The following USP37 variants were observed in gnomAD, a reference collection of about 807,000 sequenced individuals.
USP37 encodes ubiquitin specific peptidase 37.
A neutral mutation model predicts 124.0 loss-of-function variants in USP37; 27 were observed. The observed-to-expected ratio is 0.22, with a 90% CI of 0.16 to 0.30. USP37 has a LOEUF of 0.30. USP37 is among the 10% of genes least tolerant of loss of function. The pLI is 1.00. For missense variants in USP37, 889 were observed against 1,140.4 expected (o/e 0.78, Z 3.17); for synonymous variants, 365 against 388.0 (o/e 0.94, Z 0.70).
chr2:218,487,904 C>G (rs1167228758), intron 15 of USP37, among the ~76,000 whole-genome samples: 1 of 151,596 alleles, frequency 6.6e-6, no homozygotes, highest in Admixed American at 6.6e-5. Flanking sequence ...TCTGCCAAAA[C>G]CAGGTGTGGT....
intron 19 of USP37, among the ~76,000 whole-genome samples, chr2:218,476,467 T>G (rs1054415505): frequency 6.6e-6 from 1 of 151,884 alleles, no homozygotes; most frequent in Non-Finnish European, 1.5e-5. Flanking sequence ...CCCAGCTACT[T>G]GGGGAGCTGA....
intron 11 of USP37, among the ~76,000 whole-genome samples, chr2:218,506,548 G>A (rs1315005680): frequency 6.6e-6 from 1 of 150,600 alleles, no homozygotes; most frequent in African/African-American, 2.4e-5. Context: ...ACCTCCCAAA[G>A]TGCTGGGATT....
intron 22 of USP37, 119 bp downstream of exon 22, chr2:218,463,171 AATAAACACACACACAC>A: frequency 1.2e-6 from 1 of 805,584 alleles, no homozygotes; most frequent in Non-Finnish European, 1.9e-6. Flanking sequence ...TCTCCCCCAC[AATAAACACACACACAC>A]ACACACACAC....
intron 13 of USP37, 66 bp downstream of exon 13, chr2:218,497,668 G>T: frequency 6.3e-7 from 1 of 1,592,714 alleles, no homozygotes; most frequent in Non-Finnish European, 8.6e-7. Context: ...CTCCCAAAGT[G>T]CTGGAATTAC....
chr2:218,552,430 T>C (rs1321417562), intron 5 of USP37, among the ~76,000 whole-genome samples: 1 of 151,968 alleles, frequency 6.6e-6, no homozygotes, highest in Non-Finnish European at 1.5e-5. Flanking sequence ...AAAAGATGGC[T>C]GTAGGGCCAG....
chr2:218,534,539 G>A (rs886509480), intron 9 of USP37, 70 bp downstream of exon 9: 25 of 866,472 alleles, frequency 2.9e-5, no homozygotes, highest in Non-Finnish European at 3.4e-5. Flanking sequence ...AGATGGGTTA[G>A]GTTTTTATTT....
intron 14 of USP37, among the ~76,000 whole-genome samples, chr2:218,488,855 G>T (rs931892958): frequency 6.6e-6 from 1 of 151,598 alleles, no homozygotes; most frequent in African/African-American, 2.4e-5. Context: ...GGCTGGTCTC[G>T]AACTCCCGAT....
At chr2:218,493,427 T>C (rs968540776) in intron 14 of USP37, among the ~76,000 whole-genome samples, 1 of 152,182 alleles carries the variant, frequency 6.6e-6, no homozygotes, top group Non-Finnish European at 1.5e-5. Flanking sequence ...TTAAAGTGCC[T>C]AACACCACTG....
At position 218,493,520 on chromosome 2, in the gene USP37, GAGTGCAATGGCAT is replaced by G. The variant is rs528346570; in HGVS notation, c.1472+2227_1472+2239del. On this transcript the variant is annotated intron_variant, in intron 14 of 25. Transcript: ENST00000258399. ...GAGTCTTGCTCTGTCACCCAGGCTA[GAGTGCAATGGCAT>G]AATCTCAGCTTACTACAACCACCTC... 2.1e-3 allele frequency among the ~76,000 whole-genome samples: 314 copies of G among 152,232 alleles called. 1 individual carries two copies. The highest frequency in any genetic ancestry group is 7.3e-3 in the African/African-American group (305 of 41,542).
intron 17 of USP37, among the ~76,000 whole-genome samples, chr2:218,481,683 C>CTTTTTTTTTT (rs71403043): frequency 9.7e-5 from 13 of 134,446 alleles, no homozygotes; most frequent in South Asian, 2.4e-4. Context: ...CTTTTCTTTT[C>CTTTTTTTTTT]TTTTTTTTTT....
At chr2:218,498,262 T>C (rs34313730) in intron 11 of USP37, 105 bp from the exon 12 acceptor site, 48,277 of 1,220,044 alleles carry the variant, frequency 0.04, 1,302 homozygotes, top group African/African-American at 0.11. Flanking sequence ...CCTGGAGGGC[T>C]TGTTAAACTA....
At chr2:218,513,099 CATAT>C (rs140874315) in intron 10 of USP37, among the ~76,000 whole-genome samples, 1 of 149,230 alleles carries the variant, frequency 6.7e-6, no homozygotes, top group South Asian at 2.1e-4. Context: ...ATAATATAGG[CATAT>C]ATATATATAT....
chr2:218,479,872 T>A (rs1362084056), intron 17 of USP37, among the ~76,000 whole-genome samples, 157 bp from the exon 18 acceptor site: 1 of 152,068 alleles, frequency 6.6e-6, no homozygotes, highest in Non-Finnish European at 1.5e-5. Context: ...ATAGGCCAGG[T>A]GCAGTGGTTC....
intron 22 of USP37, among the ~76,000 whole-genome samples, chr2:218,461,123 C>G (rs1222396037): frequency 6.6e-6 from 1 of 152,076 alleles, no homozygotes; most frequent in African/African-American, 2.4e-5. Flanking sequence ...TAAAGAATCC[C>G]AGGAGCATTT....
Position 218,463,419 on chromosome 2 carries a change from TA to T in USP37, c.2467-54del. ...TATTTAAAGAGGTACTGATTAAACTTACTTAATGAGGATAAAATCAGTTTCT... is the reference window on the plus strand; with the variant it reads ...TATTTAAAGAGGTACTGATTAAACTTCTTAATGAGGATAAAATCAGTTTCT... On this transcript the variant is annotated intron_variant, in intron 21 of 25. Transcript: ENST00000258399. 12 of 1,509,818 alleles carry T rather than the reference TA, an allele frequency of 7.9e-6. No homozygotes were observed. In the South Asian group the frequency reaches 1.4e-4, roughly 17 times the overall value. The allele number at this position is 1,509,818 out of a possible 1,614,324, so 93.5% of individuals were successfully genotyped here. A position where few individuals can be genotyped will look rare whatever the true frequency, so the allele number is the denominator to read the frequency against.
chr2:218,457,913 G>A (rs1169896803), intron 23 of USP37, among the ~76,000 whole-genome samples: 4 of 151,670 alleles, frequency 2.6e-5, no homozygotes, highest in African/African-American at 4.8e-5. Context: ...GCTGGCGGGC[G>A]CCTGTAGTCC....
At chr2:218,544,406 A>AAAAATATATATAT (rs1312705279) in intron 8 of USP37, among the ~76,000 whole-genome samples, 1 of 82,976 alleles carries the variant, frequency 1.2e-5, no homozygotes, top group African/African-American at 6.9e-5. Context: ...AAAAAAAAAA[A>AAAAATATATATAT]ATATATATAT....
At position 218,518,448 on chromosome 2, in the gene USP37, TCTGGACA is replaced by T. The variant is rs1412919507; in HGVS notation, c.864-8315_864-8309del. Among the ~76,000 whole-genome samples the T allele has an allele frequency of 8.5e-5, 13 of 152,294 alleles. No homozygotes were observed. The East Asian group carries it at 1.5e-3, about 18-fold the overall frequency. ...TCATGTTGACCTGTCTTGCTGCATGTCTGGACACTGAACAGTATTTAATCAAATCTAA... is the reference window on the plus strand; with the variant it reads ...TCATGTTGACCTGTCTTGCTGCATGTCTGAACAGTATTTAATCAAATCTAA... On this transcript the variant is annotated intron_variant, in intron 10 of 25. Coordinates refer to ENST00000258399, the MANE Select transcript of USP37 (RefSeq NM_020935.3).
chr2:218,535,688 C>G (rs1210589949), intron 8 of USP37, among the ~76,000 whole-genome samples: 1 of 151,916 alleles, frequency 6.6e-6, no homozygotes, highest in Non-Finnish European at 1.5e-5. Context: ...AACCCTGTCT[C>G]TACTAAAAAT....
Sources: gnomAD v4.1 joint callset for allele counts (sites outside exome capture counted in the v4.1 genomes callset) on GRCh38, gnomAD v4.1.1 for gene constraint, MANE v1.5 for transcripts, NCBI Gene and HGNC (gene_info 2026-07-23, HGNC 2026-07-21) for gene names.